KCNQ1: variants seen among roughly 807,000 people sequenced by gnomAD.
KCNQ1 encodes potassium voltage-gated channel subfamily KQT member 1.
In KCNQ1, 49 loss-of-function variants were observed where a neutral mutation model predicts 72.4. The ratio of observed to expected loss-of-function variants is 0.68; its 90% CI spans 0.54 to 0.86. The LOEUF is 0.86. KCNQ1 is among the 40% of genes least tolerant of loss of function. The pLI, the probability that KCNQ1 is intolerant of heterozygous loss-of-function variation, is 0.00. For synonymous variants in KCNQ1, 450 were observed against 412.6 expected, an observed-to-expected ratio of 1.09 and a Z score of -1.10; for missense variants, 790 against 945.1, an observed-to-expected ratio of 0.84 and a Z score of 2.15.
intron 15 of KCNQ1, among the ~76,000 whole-genome samples, chr11:2,837,758 C>T (rs1054616510): frequency 2.0e-5 from 3 of 152,222 alleles, no homozygotes; most frequent in Non-Finnish European, 4.4e-5. Context: ...CTCCAGGAGG[C>T]AGGGCCAGCC....
chr11:2,510,811 G>A (rs1391199117), intron 1 of KCNQ1, among the ~76,000 whole-genome samples: 1 of 152,148 alleles, frequency 6.6e-6, no homozygotes, highest in African/African-American at 2.4e-5. Context: ...GCACTCCTGG[G>A]CGTGGCCTTC....
rs1383048741 is a variant in KCNQ1, at chr11:2,500,741, G to A, written c.387-27187G>A. 2.0e-5 allele frequency among the ~76,000 whole-genome samples: 3 copies of A among 152,012 alleles called. No homozygotes were observed. In the East Asian group the frequency reaches 5.8e-4, roughly 29 times the overall value. On this transcript the variant is annotated intron_variant, in intron 1 of 15. Transcript: ENST00000155840. Reference sequence around the variant, plus strand: ...TCTTTTCAGGGACACGGATGAAGCTGGAAACCATCATTCTCAGCAAACTAA... The same window carrying A: ...TCTTTTCAGGGACACGGATGAAGCTAGAAACCATCATTCTCAGCAAACTAA...
chr11:2,646,946 G>A (rs1849675731), intron 10 of KCNQ1: 2 of 398,566 alleles, frequency 5.0e-6, no homozygotes, highest in Non-Finnish European at 8.8e-6. Flanking sequence ...AGGACAATAT[G>A]ACATTCTCTT....
rs1005217024 is a variant in KCNQ1, at chr11:2,782,438, G to T, written c.1794+4401G>T. On this transcript the variant is annotated intron_variant, in intron 15 of 15. Transcript: ENST00000155840. This position sits in a 1 kb window ranked among gnomAD's most constrained non-coding sequence, Gnocchi z 6.1. The stretch of plus-strand genomic sequence containing the variant: ...CTTGTATGGTCTTCATCAGGCTTTG[G>T]TGTCAAATGTATGTGAGCCTCACAG... 5.3e-5 allele frequency among the ~76,000 whole-genome samples: 8 copies of T among 152,170 alleles called. No individual in the cohort carries two copies. Among genetic ancestry groups the T allele is most frequent in the African/African-American group, 1.9e-4 (8 of 41,434 alleles).
In KCNQ1 at chr11:2,588,405, C is replaced by G. The variant is rs1848624357; in HGVS notation, c.1252-308C>G. ...CTGTTCCCCCGATATGCATTCTCCC[C>G]TACTGGTCACAGCCCCTGTTACCAC... On this transcript the variant is annotated intron_variant, in intron 9 of 15. Transcript: ENST00000155840. The surrounding 1 kb of genome is among the most constrained non-coding windows in gnomAD (Gnocchi z 5.6). Among the ~76,000 whole-genome samples the G allele has an allele frequency of 6.6e-6, 1 of 152,208 alleles. No homozygotes were observed. The highest frequency in any genetic ancestry group is 2.1e-4 in the South Asian group (1 of 4,838).
intron 10 of KCNQ1, chr11:2,616,555 A>C (rs2133797898): frequency 2.5e-6 from 1 of 397,908 alleles, no homozygotes; most frequent in African/African-American, 2.1e-5. Flanking sequence ...CACTTCTTTC[A>C]CTACATCCCA....
rs1221694591 is a variant in KCNQ1, at chr11:2,762,085, T to A, written c.1515-6759T>A. The stretch of plus-strand genomic sequence containing the variant: ...CCCTTCACGGTCAGGCACCTATGAC[T>A]CCCCGTTCCCTGCCTGCTCCCAGGC... On this transcript the variant is annotated intron_variant, in intron 11 of 15. Coordinates refer to ENST00000155840, the MANE Select transcript of KCNQ1 (RefSeq NM_000218.3). The surrounding 1 kb of genome is among the most constrained non-coding windows in gnomAD (Gnocchi z 4.3). Among the ~76,000 whole-genome samples, 1 of 152,054 alleles carries A rather than the reference T, an allele frequency of 6.6e-6. No individual in the cohort carries two copies. The highest frequency in any genetic ancestry group is 1.5e-5 in the Non-Finnish European group (1 of 67,996).
rs1383035176 is a variant in KCNQ1 at position 2,620,211 on chromosome 11, A to ATATATTT, written c.1393+31358_1393+31359insATATTTT. ...TAAGTTCATTCATGTATATATATATATTTTTTTTTTTTATTTTTTTTTTAG... is the reference window on the plus strand; with the variant it reads ...TAAGTTCATTCATGTATATATATATATATATTTTTTTTTTTTTTTATTTTTTTTTTAG... On this transcript the variant is annotated intron_variant, in intron 10 of 15. Transcript: ENST00000155840. This position sits in a 1 kb window ranked among gnomAD's most constrained non-coding sequence, Gnocchi z 4.5. 3.1e-4 allele frequency: 80 copies of ATATATTT among 261,994 alleles called. 1 individual carries two copies. Among genetic ancestry groups the ATATATTT allele is most frequent in the African/African-American group, 1.9e-3 (74 of 38,114 alleles). 16.2% of individuals were successfully genotyped at this position (261,994 alleles called of 1,614,324 possible). A position where few individuals can be genotyped will look rare whatever the true frequency, so the allele number is the denominator to read the frequency against.
At position 2,828,032 on chromosome 11, in the gene KCNQ1, A is replaced by G. The variant is rs935923434; in HGVS notation, c.1795-19735A>G. 6.6e-6 allele frequency among the ~76,000 whole-genome samples: 1 copy of G among 152,196 alleles called. No individual in the cohort carries two copies. Among genetic ancestry groups the G allele is most frequent in the African/African-American group, 2.4e-5 (1 of 41,464 alleles). The stretch of plus-strand genomic sequence containing the variant: ...TGTGGGGAGGCCAGCAACAGAGGGA[A>G]CACTACCTGCAAAGGGGCGAGGGCA... On this transcript the variant is annotated intron_variant, in intron 15 of 15. Coordinates refer to ENST00000155840, the MANE Select transcript of KCNQ1 (RefSeq NM_000218.3). The surrounding 1 kb of genome is among the most constrained non-coding windows in gnomAD (Gnocchi z 5.3).
At chr11:2,688,009 A>G (rs1487985171) in intron 11 of KCNQ1, 2 of 398,618 alleles carry the variant, frequency 5.0e-6, no homozygotes, top group Admixed American at 4.4e-5. Context: ...GGGAGGGGTC[A>G]GCACCCCTCT....
At chr11:2,702,406 G>C (rs1850831291) in intron 11 of KCNQ1, among the ~76,000 whole-genome samples, 1 of 152,144 alleles carries the variant, frequency 6.6e-6, no homozygotes, top group Admixed American at 6.5e-5. Flanking sequence ...AGGCTGAAAA[G>C]CTCCCTAAAT....
chr11:2,693,750 C>T (rs753308967), intron 11 of KCNQ1: 13 of 398,612 alleles, frequency 3.3e-5, no homozygotes, highest in Non-Finnish European at 5.3e-5. Context: ...ATACAGGCTC[C>T]TGCCAGTAAC....
chr11:2,654,289 C>T lies in KCNQ1; in HGVS notation c.1394-7672C>T. On this transcript the variant is annotated intron_variant, in intron 10 of 15. Transcript: ENST00000155840. This position sits in a 1 kb window ranked among gnomAD's most constrained non-coding sequence, Gnocchi z 6.4. Reference sequence around the variant, plus strand: ...GATCCGCAGGGCTTTGGTGAATCCACTGAGAGGGGGAGATTTCTTGAGGGG... The same window carrying T: ...GATCCGCAGGGCTTTGGTGAATCCATTGAGAGGGGGAGATTTCTTGAGGGG... 2.5e-6 allele frequency: 1 copy of T among 398,612 alleles called. No homozygotes were observed. 24.7% of individuals were successfully genotyped at this position (398,612 alleles called of 1,614,324 possible).
intron 10 of KCNQ1, chr11:2,660,078 G>T (rs967775354): frequency 5.0e-6 from 2 of 398,182 alleles, no homozygotes; most frequent in African/African-American, 4.1e-5. Flanking sequence ...TTTCTCTTAC[G>T]AGTTAAACTT....
intron 1 of KCNQ1, among the ~76,000 whole-genome samples, chr11:2,499,022 C>T (rs1328873442): frequency 6.6e-6 from 1 of 152,166 alleles, no homozygotes; most frequent in Non-Finnish European, 1.5e-5. Context: ...GATGCCCCAC[C>T]TGCTTCTGTG....
chr11:2,492,593 T>C lies in KCNQ1; in HGVS notation c.387-35335T>C, dbSNP rs61871468. Among the ~76,000 whole-genome samples, 2,462 of 152,312 alleles carry C rather than the reference T, an allele frequency of 0.016. 24 individuals are homozygous for C. The highest frequency in any genetic ancestry group is 0.023 in the Non-Finnish European group (1,584 of 68,022). On this transcript the variant is annotated intron_variant, in intron 1 of 15. Transcript: ENST00000155840. The surrounding 1 kb of genome is among the most constrained non-coding windows in gnomAD (Gnocchi z 4.1). ...ATTCTCATTGTTCAACTTCCACTTA[T>C]GAGTGAGAACATATGGTGTTTGGTT... is the stretch of plus-strand genomic sequence containing the variant.
At chr11:2,842,709 G>C (rs1848238358) in intron 15 of KCNQ1, among the ~76,000 whole-genome samples, 1 of 152,210 alleles carries the variant, frequency 6.6e-6, no homozygotes, top group Admixed American at 6.5e-5. Flanking sequence ...GTGCACAGCA[G>C]TGCTCCTTTG....
rs1564829394 is a variant in KCNQ1, at chr11:2,599,355, A to G, written c.1393+10501A>G. ...AACAATTTTATTTTGATTTAATTCTATCTCTAATTGAATTTTATTTCTATT... is the reference window on the plus strand; with the variant it reads ...AACAATTTTATTTTGATTTAATTCTGTCTCTAATTGAATTTTATTTCTATT... On this transcript the variant is annotated intron_variant, in intron 10 of 15. Transcript: ENST00000155840. The surrounding 1 kb of genome is among the most constrained non-coding windows in gnomAD (Gnocchi z 4.7). Among the ~76,000 whole-genome samples the G allele has an allele frequency of 6.6e-6, 1 of 152,162 alleles. No homozygotes were observed. Among genetic ancestry groups the G allele is most frequent in the Non-Finnish European group, 1.5e-5 (1 of 68,010 alleles).
In KCNQ1 at chr11:2,564,166, C is replaced by T. The variant is rs758184829; in HGVS notation, c.478-6462C>T. 6.6e-6 allele frequency among the ~76,000 whole-genome samples: 1 copy of T among 152,254 alleles called. No homozygotes were observed. The highest frequency in any genetic ancestry group is 1.5e-5 in the Non-Finnish European group (1 of 68,042). On this transcript the variant is annotated intron_variant, in intron 2 of 15. Transcript: ENST00000155840. The surrounding 1 kb of genome is among the most constrained non-coding windows in gnomAD (Gnocchi z 4.5). ...CATTTCACAGCGTGCAATTTGGTGG[C>T]ATTTAGTATGTTCACAAGGCGGTTC...
Sources: gnomAD v4.1 joint callset for allele counts (sites outside exome capture counted in the v4.1 genomes callset) on GRCh38, gnomAD v4.1.1 for gene constraint, Gnocchi (gnomAD v3.1) non-coding constraint, MANE v1.5 for transcripts, NCBI Gene and HGNC (gene_info 2026-07-23, HGNC 2026-07-21) for gene names.